Variants in MTHFS observed in about 807,000 individuals in gnomAD.
MTHFS encodes the protein 5-formyltetrahydrofolate cyclo-ligase.
Under a neutral mutation model 12.7 loss-of-function variants are expected in MTHFS, and 7 were observed. That is an observed-to-expected ratio of 0.55 (90% confidence interval 0.31 to 1.03). The LOEUF (loss-of-function observed/expected upper bound fraction) is 1.03. Among genes scored for constraint, MTHFS ranks in the 50% least tolerant of loss-of-function variants. The pLI, the probability that MTHFS is intolerant of heterozygous loss-of-function variation, is 0.05. For synonymous variants in MTHFS, 100 were observed against 97.1 expected (o/e 1.03, Z -0.18); for missense variants, 252 against 258.1 (o/e 0.98, Z 0.16).
Position 79,879,377 on chromosome 15 carries a change from G to A in MTHFS, c.379+9716C>T, listed in dbSNP as rs138014927. ...GAGTCTCACTCTGTCCCCCAGGCTG[G>A]AGTCCAATGGTGTGATCTTGGCTCA... On this transcript the variant is annotated intron_variant, in intron 2 of 2. Transcript: ENST00000258874. Among the ~76,000 whole-genome samples, 15 of 140,860 alleles carry A rather than the reference G, an allele frequency of 1.1e-4. No individual in the cohort carries two copies. In the Admixed American group the frequency reaches 1.1e-3, roughly 10 times the overall value. The allele number at this position is 140,860 out of a possible 152,430, so 92.4% of individuals were successfully genotyped here.
chr15:79,893,512 C>T (rs2034512048), intron 1 of MTHFS, among the ~76,000 whole-genome samples: 1 of 151,456 alleles, frequency 6.6e-6, no homozygotes, highest in South Asian at 2.1e-4. Context: ...TCCTGGCTAA[C>T]ACGGTGAAAC....
Position 79,889,267 on chromosome 15 carries a change from T to C in MTHFS, c.205A>G (p.Lys69Glu). ...ATTTTGCCTCGTTGGAAAATGTCCT[T>C]GATGATCTCTTCTGTCTCAATTTCA... ...QDEIETEEIIKDIFQRGKICF... is the reference protein window; with the variant it reads ...QDEIETEEIIEDIFQRGKICF... Residue 69 changes from lysine to glutamate, a missense_variant, in exon 2 of 3, where the codon AAG (lysine) becomes GAG (glutamate). By Grantham distance (56) the Lys-to-Glu change is moderately conservative. Coordinates refer to ENST00000258874, the MANE Select transcript of MTHFS (RefSeq NM_006441.4). 6.2e-7 allele frequency: 1 copy of C among 1,614,196 alleles called. No individual in the cohort carries two copies. The highest frequency in any genetic ancestry group is 8.5e-7 in the Non-Finnish European group (1 of 1,180,030).
intron 1 of MTHFS, among the ~76,000 whole-genome samples, chr15:79,890,255 T>C (rs1029278329): frequency 6.7e-6 from 1 of 149,016 alleles, no homozygotes; most frequent in Admixed American, 6.7e-5. Flanking sequence ...TCTCCCTCTG[T>C]TGCCCAGGCT....
At chr15:79,875,488 T>C (rs1449322576) in intron 2 of MTHFS, among the ~76,000 whole-genome samples, 1 of 152,116 alleles carries the variant, frequency 6.6e-6, no homozygotes, top group African/African-American at 2.4e-5. Flanking sequence ...GAAAGAATCA[T>C]CTTTTTAAAG....
intron 2 of MTHFS, among the ~76,000 whole-genome samples, chr15:79,872,268 C>T (rs991614138): frequency 6.6e-6 from 1 of 152,182 alleles, no homozygotes; most frequent in East Asian, 1.9e-4. Flanking sequence ...AAGCACACTA[C>T]AATGAAGAAA....
At position 79,896,907 on chromosome 15, in the gene MTHFS, C is replaced by T. The variant is rs1288932630; in HGVS notation, c.82G>A (p.Glu28Lys). The change falls in exon 1 of 3, where the codon GAG (glutamate) becomes AAG (lysine). Residue 28 changes from glutamate (E) to lysine (K), a missense_variant. Transcript: ENST00000258874. ...KQRLRAMSAE[E>K]RLRQSRVLSQ... ...AGTACGCGGGACTGGCGTAGCCGCT[C>T]CTCGGCACTCATCGCCCGCAGACGC... 3.9e-6 allele frequency: 6 copies of T among 1,542,652 alleles called. No individual in the cohort carries two copies. The African/African-American group carries it at 6.9e-5, about 18-fold the overall frequency.
At chr15:79,855,979 TGTGA>T (rs1300654463) in intron 2 of MTHFS, among the ~76,000 whole-genome samples, 2 of 152,232 alleles carry the variant, frequency 1.3e-5, no homozygotes, top group East Asian at 1.9e-4. Flanking sequence ...AATGAACATA[TGTGA>T]GTATGTGTCT....
At chr15:79,867,926 TGAGA>T (rs1023900183) in intron 2 of MTHFS, among the ~76,000 whole-genome samples, 12 of 151,810 alleles carry the variant, frequency 7.9e-5, no homozygotes, top group South Asian at 2.1e-4. Flanking sequence ...AGTGTGTGTG[TGAGA>T]GAGAGAGAGC....
intron 2 of MTHFS, among the ~76,000 whole-genome samples, chr15:79,852,543 AC>A (rs1479267402): frequency 1.3e-5 from 2 of 152,192 alleles, no homozygotes; most frequent in Non-Finnish European, 2.9e-5. Context: ...GGGAATATTC[AC>A]ACTGAATCAA....
chr15:79,868,951 T>C (rs2034057726), intron 2 of MTHFS, among the ~76,000 whole-genome samples: 1 of 152,094 alleles, frequency 6.6e-6, no homozygotes, highest in Non-Finnish European at 1.5e-5. Flanking sequence ...GACTATACAC[T>C]AGGTGCATTT....
chr15:79,893,105 T>C (rs1044086146), intron 1 of MTHFS, among the ~76,000 whole-genome samples: 1 of 152,008 alleles, frequency 6.6e-6, no homozygotes, highest in South Asian at 2.1e-4. Flanking sequence ...AGAACAAAGT[T>C]TAAATATTAC....
intron 2 of MTHFS, among the ~76,000 whole-genome samples, chr15:79,869,254 C>A (rs1389211006): frequency 6.6e-6 from 1 of 152,152 alleles, no homozygotes; most frequent in African/African-American, 2.4e-5. Flanking sequence ...AATTCTATAT[C>A]TCTCACAATA....
chr15:79,859,646 C>T (rs947801680), intron 2 of MTHFS, among the ~76,000 whole-genome samples: 1 of 151,878 alleles, frequency 6.6e-6, no homozygotes, highest in African/African-American at 2.4e-5. Context: ...GGTGAAGGCC[C>T]GTCTCTTCTA....
intron 2 of MTHFS, among the ~76,000 whole-genome samples, chr15:79,867,669 C>A (rs17285375): frequency 0.14 from 21,447 of 151,102 alleles, 1,723 homozygotes; most frequent in Non-Finnish European, 0.19. Context: ...GCCTTAGTCA[C>A]CAGTAAATTA....
chr15:79,894,947 T>C (rs1041563347), intron 1 of MTHFS, among the ~76,000 whole-genome samples: 7 of 152,184 alleles, frequency 4.6e-5, no homozygotes, highest in African/African-American at 1.7e-4. Context: ...CTCCATATTT[T>C]TTTTCTTTCT....
chr15:79,882,425 T>G (rs1035392124), intron 2 of MTHFS, among the ~76,000 whole-genome samples: 21 of 152,214 alleles, frequency 1.4e-4, no homozygotes, highest in African/African-American at 5.1e-4. Context: ...GAGACTGGAT[T>G]GAGAATACCA....
At chr15:79,850,666 A>C (rs1409913362) in intron 2 of MTHFS, among the ~76,000 whole-genome samples, 3 of 152,214 alleles carry the variant, frequency 2.0e-5, no homozygotes, top group African/African-American at 7.2e-5. Context: ...AGAATGGACA[A>C]GTAAGGTAAG....
At chr15:79,892,252 G>C (rs1428052726) in intron 1 of MTHFS, among the ~76,000 whole-genome samples, 1 of 152,168 alleles carries the variant, frequency 6.6e-6, no homozygotes, top group African/African-American at 2.4e-5. Flanking sequence ...TAACTCAGAA[G>C]TGGAGTAAGG....
intron 1 of MTHFS, 115 bp downstream of exon 1, chr15:79,896,757 G>GT: frequency 1.4e-6 from 2 of 1,446,848 alleles, no homozygotes; most frequent in Non-Finnish European, 9.1e-7. Flanking sequence ...GCGCCGGGGG[G>GT]TGGGGGGGCG....
Sources: gnomAD v4.1 joint callset for allele counts (sites outside exome capture counted in the v4.1 genomes callset) on GRCh38, gnomAD v4.1.1 for gene constraint, MANE v1.5 for transcripts, NCBI Gene and HGNC (gene_info 2026-07-23, HGNC 2026-07-21) for gene names.